The following GLUD1 variants were observed in gnomAD, a reference collection of about 807,000 sequenced individuals.
The protein encoded by GLUD1 is glutamate dehydrogenase 1, mitochondrial.
Under a neutral mutation model 56.0 loss-of-function variants are expected in GLUD1, and 22 were observed. The observed-to-expected ratio is 0.39, with a 90% CI of 0.28 to 0.56. The LOEUF (loss-of-function observed/expected upper bound fraction) is 0.56. Among genes scored for constraint, GLUD1 ranks in the 20% least tolerant of loss-of-function variants. GLUD1 has a pLI of 0.58. For synonymous variants in GLUD1, 223 were observed against 269.9 expected, an observed-to-expected ratio of 0.83 and a Z score of 1.70; for missense variants, 451 against 732.0, an observed-to-expected ratio of 0.62 and a Z score of 4.43.
chr10:87,057,899 T>C, intron 10 of GLUD1, 117 bp from the exon 11 acceptor site: 2 of 673,098 alleles, frequency 3.0e-6, no homozygotes, highest in Non-Finnish European at 5.4e-6. Flanking sequence ...GACAGAGTCG[T>C]GGTCTGTCAC....
rs563681072 is a variant in GLUD1 at position 87,063,660 on chromosome 10, G to A, written c.742-825C>T. ...TTGTATTCTGCCACTTTTGAAAAAG[G>A]AAGTTTTTAATATAACTTGATACTT... On this transcript the variant is annotated intron_variant, in intron 5 of 12. Coordinates refer to ENST00000277865, the MANE Select transcript of GLUD1 (RefSeq NM_005271.5). 2.0e-5 allele frequency among the ~76,000 whole-genome samples: 3 copies of A among 152,298 alleles called. No homozygotes were observed. In the East Asian group the frequency reaches 5.8e-4, roughly 29 times the overall value.
chr10:87,051,931 A>G, intron 12 of GLUD1, 61 bp from the exon 13 acceptor site: 1 of 1,598,652 alleles, frequency 6.3e-7, no homozygotes, highest in East Asian at 2.2e-5. Context: ...GGCCATAAAC[A>G]CACAAGGCCC....
At position 87,073,381 on chromosome 10, in the gene GLUD1, T is replaced by G. The variant is rs544680992; in HGVS notation, c.646+1170A>C. 2.0e-5 allele frequency among the ~76,000 whole-genome samples: 3 copies of G among 152,248 alleles called. No individual in the cohort carries two copies. In the East Asian group the frequency reaches 5.8e-4, roughly 29 times the overall value. ...ATTGCCCAGGGTGGTCTCGAACTTC[T>G]GGGCTCAAGTGATCCTCCCACCTCA... On this transcript the variant is annotated intron_variant, in intron 4 of 12. Transcript: ENST00000277865.
At position 87,094,578 on chromosome 10, in the gene GLUD1, G is replaced by C. The variant is rs1341566711; in HGVS notation, c.192C>G (p.Pro64=). 6.2e-7 allele frequency: 1 copy of C among 1,611,736 alleles called. No homozygotes were observed. Among genetic ancestry groups the C allele is most frequent in the Admixed American group, 1.7e-5 (1 of 60,022 alleles). Residue 64 remains proline, a synonymous_variant, in exon 1 of 13, where the codon CCC becomes CCG. Transcript: ENST00000277865. The surrounding 1 kb of genome is among the most constrained non-coding windows in gnomAD (Gnocchi z 6.6). ...AGCCCTCCACCATCTTGAAGAAGTTGGGGTCGTCCTCGCGGTCGGCCACCG... is the reference window on the plus strand; with the variant it reads ...AGCCCTCCACCATCTTGAAGAAGTTCGGGTCGTCCTCGCGGTCGGCCACCG... The part of the protein sequence containing the change: ...SEAVADREDD[P]NFFKMVEGFF...
At chr10:87,091,856 T>C (rs1841516726) in intron 1 of GLUD1, among the ~76,000 whole-genome samples, 1 of 151,142 alleles carries the variant, frequency 6.6e-6, no homozygotes, top group Non-Finnish European at 1.5e-5. Context: ...GAGAGGCAGA[T>C]GAGGTTTTTT....
At chr10:87,078,398 T>C (rs1236777158) in intron 1 of GLUD1, among the ~76,000 whole-genome samples, 1 of 152,192 alleles carries the variant, frequency 6.6e-6, no homozygotes, top group African/African-American at 2.4e-5. Context: ...CACTCCCACT[T>C]TCCTGCCTCT....
chr10:87,060,448 T>C (rs1845900469), intron 8 of GLUD1: 3 of 291,914 alleles, frequency 1.0e-5, no homozygotes, highest in Non-Finnish European at 1.9e-5. Flanking sequence ...TGTTTGCTTG[T>C]TTTTTTTTTT....
rs970965937 is a variant in GLUD1, at chr10:87,051,334, C to T, written c.*417G>A. 1 of 261,022 alleles carries T rather than the reference C, an allele frequency of 3.8e-6. No individual in the cohort carries two copies. Among genetic ancestry groups the T allele is most frequent in the African/African-American group, 2.2e-5 (1 of 45,066 alleles). 16.2% of individuals were successfully genotyped at this position (261,022 alleles called of 1,614,324 possible). ...GGACCATGCCACCTTCTGAAAAGGCCACACACCTACTTCTTAAATGTGTTA... is the reference window on the plus strand; with the variant it reads ...GGACCATGCCACCTTCTGAAAAGGCTACACACCTACTTCTTAAATGTGTTA... On this transcript the variant is annotated 3_prime_UTR_variant, in exon 13 of 13. Coordinates refer to ENST00000277865, the MANE Select transcript of GLUD1 (RefSeq NM_005271.5).
At position 87,074,576 on chromosome 10, in the gene GLUD1, C is replaced by G. The variant is rs1165448993; in HGVS notation, c.621G>C (p.Met207Ile). Residue 207 changes from methionine (M) to isoleucine (I), a missense_variant, in exon 4 of 13, where the codon ATG (methionine) becomes ATC (isoleucine). Met to Ile is a conservative substitution (Grantham distance 10). This residue lies in a region of GLUD1 where 248 missense variants were observed against 460.0 expected (regional missense o/e 0.54). Coordinates refer to ENST00000277865, the MANE Select transcript of GLUD1 (RefSeq NM_005271.5). ...ELEKITRRFT[M>I]ELAKKGFIGP... ...CAATAAAGCCCTTTTTTGCTAGCTC[C>G]ATGGTGAACCTCCTTGTGATCTTTT... 6.3e-7 allele frequency: 1 copy of G among 1,592,646 alleles called. No homozygotes were observed. The highest frequency in any genetic ancestry group is 8.6e-7 in the Non-Finnish European group (1 of 1,160,674).
chr10:87,061,075 A>T (rs1165735227), intron 6 of GLUD1, 23 bp from the exon 7 acceptor site: 1 of 1,609,414 alleles, frequency 6.2e-7, no homozygotes, highest in East Asian at 2.2e-5. Flanking sequence ...ATTACCCATA[A>T]CACAAAAATT....
At chr10:87,052,430 G>A (rs1845658613) in intron 12 of GLUD1, among the ~76,000 whole-genome samples, 1 of 152,152 alleles carries the variant, frequency 6.6e-6, no homozygotes, top group Non-Finnish European at 1.5e-5. Context: ...GGTGGTTGCA[G>A]TGAGCAGAGA....
intron 4 of GLUD1, among the ~76,000 whole-genome samples, chr10:87,074,137 T>C (rs1052859762): frequency 6.6e-6 from 1 of 152,146 alleles, no homozygotes; most frequent in Non-Finnish European, 1.5e-5. Flanking sequence ...AATAGTAAGA[T>C]ACAAAAACAT....
In GLUD1 at chr10:87,050,421, T is replaced by C. The variant is rs188823038; in HGVS notation, c.*1330A>G. ...CGCTATAAACATTTCAGAAATCCAA[T>C]TGCAGTATTATAACTTATGAAAAGA... On this transcript the variant is annotated 3_prime_UTR_variant, in exon 13 of 13. Coordinates refer to ENST00000277865, the MANE Select transcript of GLUD1 (RefSeq NM_005271.5). The C allele has an allele frequency of 9.2e-5, 14 of 151,522 alleles. 1 individual carries two copies. In the South Asian group the frequency reaches 2.1e-3, roughly 23 times the overall value. The allele number at this position is 151,522 out of a possible 1,614,324, so 9.4% of individuals were successfully genotyped here.
chr10:87,055,016 G>A (rs1043425638), intron 11 of GLUD1, among the ~76,000 whole-genome samples: 3 of 152,222 alleles, frequency 2.0e-5, no homozygotes, highest in African/African-American at 7.2e-5. Flanking sequence ...GCAGGGCAGT[G>A]AGAAGAGGAG....
At chr10:87,080,605 T>C (rs954802247) in intron 1 of GLUD1, among the ~76,000 whole-genome samples, 1 of 148,214 alleles carries the variant, frequency 6.7e-6, no homozygotes, top group African/African-American at 2.5e-5. Flanking sequence ...GTCTGGGATG[T>C]GAGGAGCGCC....
chr10:87,088,068 CA>C (rs892425963), intron 1 of GLUD1, among the ~76,000 whole-genome samples: 4 of 150,196 alleles, frequency 2.7e-5, no homozygotes, highest in African/African-American at 9.8e-5. Context: ...GCAACAAGAG[CA>C]AAACTCTGTT....
At chr10:87,084,535 T>C (rs1442497527) in intron 1 of GLUD1, among the ~76,000 whole-genome samples, 1 of 142,306 alleles carries the variant, frequency 7.0e-6, no homozygotes, top group Non-Finnish European at 1.5e-5. Context: ...TGAATTTTTT[T>C]TCCTTTTCCT....
chr10:87,084,943 A>G (rs1841345374), intron 1 of GLUD1, among the ~76,000 whole-genome samples: 2 of 152,192 alleles, frequency 1.3e-5, no homozygotes, highest in Non-Finnish European at 2.9e-5. Flanking sequence ...GCAGGGAGGA[A>G]CTCTCAATGA....
In GLUD1 at chr10:87,051,662, A is replaced by G; in HGVS notation, c.*89T>C. On this transcript the variant is annotated 3_prime_UTR_variant, in exon 13 of 13. Transcript: ENST00000277865. ...TCCATTATTAATGAGTCAGGAGAGA[A>G]AGGGATTTCTGTGGTTACATGTAAA... The G allele has an allele frequency of 7.2e-7, 1 of 1,398,504 alleles. No individual in the cohort carries two copies. Among genetic ancestry groups the G allele is most frequent in the Non-Finnish European group, 1.0e-6 (1 of 985,184 alleles). The allele number at this position is 1,398,504 out of a possible 1,614,324, so 86.6% of individuals were successfully genotyped here.
Sources: gnomAD v4.1 joint callset for allele counts (sites outside exome capture counted in the v4.1 genomes callset) on GRCh38, gnomAD v4.1.1 for gene constraint, gnomAD v4.1.1 regional missense constraint, Gnocchi (gnomAD v3.1) non-coding constraint, MANE v1.5 for transcripts, NCBI Gene and HGNC (gene_info 2026-07-23, HGNC 2026-07-21) for gene names.